The following CPPED1 variants were observed in gnomAD, a reference collection of about 807,000 sequenced individuals.
CPPED1 encodes the protein calcineurin like phosphoesterase domain containing 1.
In CPPED1, 28 loss-of-function variants were observed where a neutral mutation model predicts 28.0. The observed-to-expected ratio is 1.00, with a 90% CI of 0.74 to 1.37. The LOEUF is 1.37. Among genes scored for constraint, CPPED1 ranks in the 40% most tolerant of loss-of-function variants. The pLI is 0.00. For synonymous variants in CPPED1, 198 were observed against 180.2 expected (o/e 1.10, Z -0.79); for missense variants, 504 against 416.5 (o/e 1.21, Z -1.83).
chr16:12,786,138 C>G (rs1050432474), intron 1 of CPPED1, among the ~76,000 whole-genome samples: 3 of 152,182 alleles, frequency 2.0e-5, no homozygotes, highest in African/African-American at 7.2e-5. Flanking sequence ...GCTCATGGCA[C>G]AGAGATGGCA....
rs371646726 is a variant in CPPED1, at chr16:12,664,915, C to T, written c.916G>A (p.Asp306Asn). The change falls in exon 4 of 4, where the codon GAT becomes AAT. Residue 306 changes from aspartate to asparagine, a missense_variant. Transcript: ENST00000381774. The surrounding 1 kb of genome is among the most constrained non-coding windows in gnomAD (Gnocchi z 4.2). ...TTTTTCTTGATCAAATCCATGAGAT[C>T]GTCTTCTATTCCTTTCTCACTCAGC... ...DELSEKGIED[D>N]LMDLIKKK The T allele has an allele frequency of 7.5e-6, 12 of 1,605,174 alleles. No homozygotes were observed. The highest frequency in any genetic ancestry group is 1.3e-5 in the African/African-American group (1 of 74,144).
At chr16:12,798,728 C>T (rs375133078) in intron 1 of CPPED1, among the ~76,000 whole-genome samples, 6 of 152,192 alleles carry the variant, frequency 3.9e-5, no homozygotes, top group African/African-American at 1.2e-4. Context: ...CATATTTTAT[C>T]TTGATCTCTC....
At chr16:12,705,994 T>C (rs546821963) in intron 2 of CPPED1, among the ~76,000 whole-genome samples, 1 of 152,326 alleles carries the variant, frequency 6.6e-6, no homozygotes, top group Non-Finnish European at 1.5e-5. Context: ...CTTTCTGTAA[T>C]TCTGCCAAGG....
intron 3 of CPPED1, among the ~76,000 whole-genome samples, chr16:12,680,792 G>A (rs1651007): frequency 0.88 from 133,220 of 152,158 alleles, 59,242 homozygotes; most frequent in African/African-American, 0.93. Flanking sequence ...CCTCTCAAAG[G>A]TTTCACTGTG....
Position 12,669,099 on chromosome 16 carries a change from T to C in CPPED1, c.716-3984A>G, listed in dbSNP as rs867975617. Among the ~76,000 whole-genome samples, 6 of 152,324 alleles carry C rather than the reference T, an allele frequency of 3.9e-5. 1 individual carries two copies. Among genetic ancestry groups the C allele is most frequent in the African/African-American group, 1.4e-4 (6 of 41,576 alleles). ...AACCTAAATGTCCATCAGTTGATGATGGATAAACAAAATGTGGTCTACCCA... is the reference window on the plus strand; with the variant it reads ...AACCTAAATGTCCATCAGTTGATGACGGATAAACAAAATGTGGTCTACCCA... On this transcript the variant is annotated intron_variant, in intron 3 of 3. Transcript: ENST00000381774.
intron 2 of CPPED1, among the ~76,000 whole-genome samples, chr16:12,746,676 A>C (rs571434501): frequency 2.6e-5 from 4 of 152,310 alleles, no homozygotes; most frequent in African/African-American, 4.8e-5. Flanking sequence ...AAAGAAAAAA[A>C]ATCACGACAG....
chr16:12,690,657 T>A (rs2079957580), intron 3 of CPPED1, among the ~76,000 whole-genome samples: 1 of 137,272 alleles, frequency 7.3e-6, no homozygotes, highest in East Asian at 2.1e-4. Context: ...AGATCTAGTT[T>A]CTACCAAAAA....
At chr16:12,741,847 T>C (rs1442209452) in intron 2 of CPPED1, among the ~76,000 whole-genome samples, 3 of 152,044 alleles carry the variant, frequency 2.0e-5, no homozygotes, top group Non-Finnish European at 4.4e-5. Context: ...GGTCAGGAGT[T>C]CGAAACCAGG....
At chr16:12,730,265 G>C (rs1447073632) in intron 2 of CPPED1, among the ~76,000 whole-genome samples, 7 of 152,180 alleles carry the variant, frequency 4.6e-5, no homozygotes, top group Non-Finnish European at 1.5e-5. Context: ...GCCTCCCAAA[G>C]TGTTCGGATT....
At chr16:12,803,376 T>C (rs1324786665) in intron 1 of CPPED1, among the ~76,000 whole-genome samples, 2 of 152,238 alleles carry the variant, frequency 1.3e-5, no homozygotes, top group Non-Finnish European at 2.9e-5. Flanking sequence ...GAGGCCAAGA[T>C]GCTAATGCAC....
rs151107510 is a variant in CPPED1, at chr16:12,803,801, T to G, written c.-25A>C. The G allele has an allele frequency of 0.015, 24,107 of 1,592,002 alleles. 216 individuals carry two copies. Among genetic ancestry groups the G allele is most frequent in the Middle Eastern group, 0.02 (119 of 6,006 alleles). On this transcript the variant is annotated 5_prime_UTR_variant, in exon 1 of 4. Transcript: ENST00000381774. ...TGGCGAGCGAGTTTCTGGCCTTCAC[T>G]TAGAACACTGCGTGGGTGGAAGCCG...
intron 3 of CPPED1, 67 bp downstream of exon 3, chr16:12,704,557 A>G: frequency 5.4e-6 from 8 of 1,477,150 alleles, no homozygotes; most frequent in Non-Finnish European, 7.4e-6. Flanking sequence ...GAGACGGGAG[A>G]AAGATCTGGA....
chr16:12,756,718 T>A (rs2080371657), intron 2 of CPPED1, among the ~76,000 whole-genome samples: 1 of 151,842 alleles, frequency 6.6e-6, no homozygotes, highest in African/African-American at 2.4e-5. Flanking sequence ...ATTAAAAAAA[T>A]AAAATTAAAA....
At chr16:12,707,936 C>G (rs72779045) in intron 2 of CPPED1, among the ~76,000 whole-genome samples, 22,191 of 152,152 alleles carry the variant, frequency 0.15, 1,764 homozygotes, top group Admixed American at 0.18. Context: ...AACTTGAGGT[C>G]AAGAGTTCAA....
intron 2 of CPPED1, among the ~76,000 whole-genome samples, chr16:12,717,339 C>T (rs867741314): frequency 6.6e-6 from 1 of 152,228 alleles, no homozygotes; most frequent in Non-Finnish European, 1.5e-5. Context: ...TCTCGGCTCA[C>T]TGCAAGCTGC....
chr16:12,803,701 C>T lies in CPPED1; in HGVS notation c.70+6G>A. ...GTCCCCTCCCCGGGTGAGGGGCGGG[C>T]AGTACCTGCGGGAAACGCGGCCAGG... On this transcript the variant is annotated splice_donor_region_variant and intron_variant, in intron 1 of 3. Transcript: ENST00000381774. 6.4e-7 allele frequency: 1 copy of T among 1,563,702 alleles called. No homozygotes were observed. Among genetic ancestry groups the T allele is most frequent in the Admixed American group, 1.9e-5 (1 of 52,732 alleles).
rs2079794038 is a variant in CPPED1, at chr16:12,661,480, C to T, written c.*3406G>A. ...TTATTTATTGTAAAAAGTAAATGAT[C>T]ATCTCCCCAGCCCCATTCCCAAAGT... On this transcript the variant is annotated 3_prime_UTR_variant, in exon 4 of 4. Transcript: ENST00000381774. 1 of 152,212 alleles carries T rather than the reference C, an allele frequency of 6.6e-6. No individual in the cohort carries two copies. The highest frequency in any genetic ancestry group is 1.5e-5 in the Non-Finnish European group (1 of 68,026). The allele number at this position is 152,212 out of a possible 1,614,324, so 9.4% of individuals were successfully genotyped here. A position where few individuals can be genotyped will look rare whatever the true frequency, so the allele number is the denominator to read the frequency against.
chr16:12,741,971 C>T (rs934999039), intron 2 of CPPED1, among the ~76,000 whole-genome samples: 11 of 151,894 alleles, frequency 7.2e-5, no homozygotes, highest in East Asian at 1.9e-4. Flanking sequence ...GAGGATGAGG[C>T]GGGACAATCG....
intron 3 of CPPED1, among the ~76,000 whole-genome samples, chr16:12,702,785 G>T (rs1182490592): frequency 6.6e-6 from 1 of 151,916 alleles, no homozygotes; most frequent in East Asian, 1.9e-4. Flanking sequence ...ATCACCTGAC[G>T]TCAGAAGTTT....
Sources: gnomAD v4.1 joint callset for allele counts (sites outside exome capture counted in the v4.1 genomes callset) on GRCh38, gnomAD v4.1.1 for gene constraint, Gnocchi (gnomAD v3.1) non-coding constraint, MANE v1.5 for transcripts, NCBI Gene and HGNC (gene_info 2026-07-23, HGNC 2026-07-21) for gene names.